CAST: variants seen among roughly 807,000 people sequenced by gnomAD.
The protein encoded by CAST is MIR583 host.
In CAST, 76 loss-of-function variants were observed where a neutral mutation model predicts 119.6. That is an observed-to-expected ratio of 0.64 (90% CI 0.53 to 0.77). CAST has a LOEUF of 0.77. CAST is among the 30% of genes least tolerant of loss of function. The pLI is 0.00. For synonymous variants in CAST, 319 were observed against 331.6 expected (o/e 0.96, Z 0.41); for missense variants, 953 against 946.5 (o/e 1.01, Z -0.09).
At chr5:96,236,187 T>C in the CAST span, among the ~76,000 whole-genome samples, 1 of 152,104 alleles carries the variant, frequency 6.6e-6, no homozygotes, top group Admixed American at 6.6e-5. Context: ...ATTTTTGGAG[T>C]TGGCTCCTCT....
the CAST span, among the ~76,000 whole-genome samples, chr5:96,232,143 A>G: frequency 6.6e-6 from 1 of 152,140 alleles, no homozygotes; most frequent in African/African-American, 2.4e-5. Context: ...GTCAATTTCC[A>G]TCAGAATTTT....
At chr5:96,257,520 C>T in the CAST span, among the ~76,000 whole-genome samples, 3 of 152,114 alleles carry the variant, frequency 2.0e-5, no homozygotes, top group Admixed American at 6.6e-5. Context: ...GCTGAATTGA[C>T]GTTGATGTTG....
the CAST span, among the ~76,000 whole-genome samples, chr5:96,419,135 T>G: frequency 6.6e-6 from 1 of 151,892 alleles, no homozygotes; most frequent in Admixed American, 6.6e-5. Context: ...AAATAACAAG[T>G]GTGACAAGAA....
At chr5:96,532,450 C>T (rs1215320450) in intron 1 of CAST, among the ~76,000 whole-genome samples, 3 of 152,114 alleles carry the variant, frequency 2.0e-5, no homozygotes, top group African/African-American at 7.2e-5. Flanking sequence ...CATGGTGGCG[C>T]ATGCCTGTAA....
intron 19 of CAST, among the ~76,000 whole-genome samples, chr5:96,750,382 T>G (rs1172368081): frequency 6.6e-6 from 1 of 152,116 alleles, no homozygotes; most frequent in African/African-American, 2.4e-5. Flanking sequence ...CTGCCTAAGG[T>G]GAGAAGTAAA....
At chr5:96,476,950 C>G in the CAST span, among the ~76,000 whole-genome samples, 1 of 147,532 alleles carries the variant, frequency 6.8e-6, no homozygotes, top group Non-Finnish European at 1.5e-5. Flanking sequence ...AAAAATACAG[C>G]GCTATTATCA....
chr5:96,469,731 T>C, the CAST span, among the ~76,000 whole-genome samples: 2 of 151,410 alleles, frequency 1.3e-5, no homozygotes, highest in African/African-American at 2.4e-5. Flanking sequence ...AGTTGGATGA[T>C]ACAATGTGGT....
chr5:96,625,163 T>G (rs1747696342), intron 1 of CAST, among the ~76,000 whole-genome samples: 1 of 152,170 alleles, frequency 6.6e-6, no homozygotes. Context: ...ATTTTTTTCA[T>G]GACAATTTTC....
the CAST span, among the ~76,000 whole-genome samples, chr5:96,192,851 G>T: frequency 6.6e-6 from 1 of 152,180 alleles, no homozygotes; most frequent in Non-Finnish European, 1.5e-5. Flanking sequence ...TGCTTCTTCA[G>T]CCTGGGGTCT....
the CAST span, among the ~76,000 whole-genome samples, chr5:96,377,692 A>G: frequency 6.6e-6 from 1 of 152,256 alleles, no homozygotes; most frequent in East Asian, 1.9e-4. Flanking sequence ...CTGTATTCCC[A>G]TTGTTAAGTG....
At chr5:96,364,446 C>A in the CAST span, among the ~76,000 whole-genome samples, 1 of 152,204 alleles carries the variant, frequency 6.6e-6, no homozygotes, top group African/African-American at 2.4e-5. Flanking sequence ...GTGAATCCGT[C>A]TGGTCCTGAA....
the CAST span, among the ~76,000 whole-genome samples, chr5:95,986,488 C>A: frequency 2.0e-5 from 3 of 152,198 alleles, no homozygotes; most frequent in African/African-American, 7.2e-5. Flanking sequence ...TCTCGCCTAA[C>A]CTAAGAGGGA....
chr5:96,681,631 G>A, intron 2 of CAST, among the ~76,000 whole-genome samples: 1 of 149,896 alleles, frequency 6.7e-6, no homozygotes, highest in Non-Finnish European at 1.5e-5. Context: ...TACTTGGGAG[G>A]CTGAGGCAGG....
At chr5:96,633,854 G>T (rs529517201) in intron 1 of CAST, among the ~76,000 whole-genome samples, 13 of 152,164 alleles carry the variant, frequency 8.5e-5, no homozygotes, top group African/African-American at 3.1e-4. Context: ...TACATCAGTC[G>T]TTCTGAGAGA....
At chr5:96,020,727 A>G in the CAST span, among the ~76,000 whole-genome samples, 1 of 152,202 alleles carries the variant, frequency 6.6e-6, no homozygotes, top group African/African-American at 2.4e-5. Flanking sequence ...TATGAGTTGT[A>G]TAATTATTTC....
chr5:96,629,332 C>A (rs745876601), intron 1 of CAST, among the ~76,000 whole-genome samples: 1 of 152,136 alleles, frequency 6.6e-6, no homozygotes, highest in Non-Finnish European at 1.5e-5. Flanking sequence ...GCTGAATAAA[C>A]TTCTGTTCTA....
upstream of CAST, among the ~76,000 whole-genome samples, chr5:96,525,799 G>A (rs1354633073): frequency 2.0e-5 from 3 of 152,278 alleles, no homozygotes; most frequent in South Asian, 4.2e-4. Context: ...GTGCTGCAAA[G>A]GTTGGCAATC....
At chr5:96,613,171 C>G (rs1269462463) in intron 1 of CAST, among the ~76,000 whole-genome samples, 1 of 152,136 alleles carries the variant, frequency 6.6e-6, no homozygotes, top group Non-Finnish European at 1.5e-5. Context: ...ATTTTCTATT[C>G]CTAGCTGTTT....
the CAST span, among the ~76,000 whole-genome samples, chr5:96,163,866 A>G: frequency 5.3e-5 from 8 of 152,232 alleles, no homozygotes; most frequent in African/African-American, 1.7e-4. Flanking sequence ...CATGGTCACT[A>G]TGTAGGGTCA....
Sources: gnomAD v4.1 joint callset for allele counts (sites outside exome capture counted in the v4.1 genomes callset) on GRCh38, gnomAD v4.1.1 for gene constraint, MANE v1.5 for transcripts, NCBI Gene and HGNC (gene_info 2026-07-23, HGNC 2026-07-21) for gene names.